Variants in MCPH1 observed in about 807,000 individuals in gnomAD.
MCPH1 encodes the protein microcephalin.
In MCPH1, 104 loss-of-function variants were observed where a neutral mutation model predicts 84.5. The observed-to-expected ratio is 1.23, with a 90% CI of 1.05 to 1.45. The LOEUF is 1.45. Ranked by LOEUF, MCPH1 falls within the 40% of genes most tolerant of loss-of-function variation. MCPH1 has a pLI of 0.00. For synonymous variants in MCPH1, 514 were observed against 366.8 expected, an observed-to-expected ratio of 1.40 and a Z score of -4.58; for missense variants, 1,498 against 1,005.7, an observed-to-expected ratio of 1.49 and a Z score of -6.62.
intron 12 of MCPH1, among the ~76,000 whole-genome samples, chr8:6,561,586 T>A (rs1825548879): frequency 1.3e-5 from 2 of 152,324 alleles, no homozygotes; most frequent in African/African-American, 4.8e-5. Context: ...CTCACCAACT[T>A]TTAAAAGACT....
intron 13 of MCPH1, among the ~76,000 whole-genome samples, chr8:6,637,767 T>G (rs1258654510): frequency 6.6e-6 from 1 of 152,152 alleles, no homozygotes; most frequent in Non-Finnish European, 1.5e-5. Context: ...TGCTGACACA[T>G]GTTTTTTTAA....
chr8:6,574,390 T>A (rs1826897278), intron 12 of MCPH1, among the ~76,000 whole-genome samples: 1 of 151,796 alleles, frequency 6.6e-6, no homozygotes, highest in Non-Finnish European at 1.5e-5. Context: ...CACATTGGAT[T>A]AAGAGCCCAC....
rs1554476394 is a variant in MCPH1, at chr8:6,609,822, C to CCCCCCCCG, written c.2215-11625_2215-11624insGCCCCCCC. On this transcript the variant is annotated intron_variant, in intron 12 of 13. Coordinates refer to ENST00000344683, the MANE Select transcript of MCPH1 (RefSeq NM_024596.5). ...CATTATCAAAGCAATGCCCCCCGCC[C>CCCCCCCCG]CCCCCCCACACACAGACTGCCAGGT... is the stretch of plus-strand genomic sequence containing the variant. Among the ~76,000 whole-genome samples the CCCCCCCCG allele has an allele frequency of 2.6e-5, 2 of 75,536 alleles. 1 individual carries two copies. The highest frequency in any genetic ancestry group is 9.5e-5 in the Non-Finnish European group (2 of 21,162). 49.6% of individuals were successfully genotyped at this position (75,536 alleles called of 152,430 possible).
At chr8:6,578,040 G>T (rs548383626) in intron 12 of MCPH1, among the ~76,000 whole-genome samples, 1 of 152,182 alleles carries the variant, frequency 6.6e-6, no homozygotes, top group Non-Finnish European at 1.5e-5. Context: ...TGCTATGTTT[G>T]GGGAGAGCCT....
At chr8:6,433,237 ATTTGAG>A (rs1253810511) in intron 4 of MCPH1, among the ~76,000 whole-genome samples, 2 of 152,164 alleles carry the variant, frequency 1.3e-5, no homozygotes, top group African/African-American at 4.8e-5. Context: ...TAAGCCACAT[ATTTGAG>A]TTTATTTCTC....
chr8:6,552,278 G>T (rs1823780263), intron 12 of MCPH1, among the ~76,000 whole-genome samples: 1 of 152,200 alleles, frequency 6.6e-6, no homozygotes, highest in South Asian at 2.1e-4. Flanking sequence ...CTGAAGGGAT[G>T]AAATTACATA....
intron 6 of MCPH1, among the ~76,000 whole-genome samples, chr8:6,441,725 A>G (rs929360823): frequency 6.6e-6 from 1 of 152,190 alleles, no homozygotes; most frequent in Non-Finnish European, 1.5e-5. Context: ...CTCACTGGCG[A>G]TATCCAAAAA....
chr8:6,523,870 A>G (rs936105799), intron 12 of MCPH1, among the ~76,000 whole-genome samples: 3 of 149,144 alleles, frequency 2.0e-5, no homozygotes, highest in Non-Finnish European at 3.0e-5. Flanking sequence ...TACAGGCATG[A>G]GCCACCGTGC....
intron 11 of MCPH1, among the ~76,000 whole-genome samples, chr8:6,488,488 C>CA (rs1563277185): frequency 6.6e-6 from 1 of 152,120 alleles, no homozygotes; most frequent in Non-Finnish European, 1.5e-5. Flanking sequence ...GAGATGCAAC[C>CA]ACAGGCTTGA....
intron 12 of MCPH1, among the ~76,000 whole-genome samples, chr8:6,510,762 G>C (rs1308285221): frequency 6.6e-6 from 1 of 152,218 alleles, no homozygotes; most frequent in Non-Finnish European, 1.5e-5. Context: ...GTTGTGAAAA[G>C]ATGAGGGTAG....
chr8:6,487,585 C>A (rs1045799412), intron 11 of MCPH1, among the ~76,000 whole-genome samples: 2 of 152,188 alleles, frequency 1.3e-5, no homozygotes, highest in Non-Finnish European at 2.9e-5. Flanking sequence ...CTTCATAACT[C>A]ATGTTAGGAA....
At chr8:6,497,334 A>C (rs1011302023) in intron 11 of MCPH1, among the ~76,000 whole-genome samples, 1 of 151,946 alleles carries the variant, frequency 6.6e-6, no homozygotes, top group Admixed American at 6.6e-5. Flanking sequence ...AAAAACAAAA[A>C]AAAAGAAAAA....
Position 6,446,758 on chromosome 8 carries a change from T to A in MCPH1, c.1825+1211T>A, listed in dbSNP as rs115125713. On this transcript the variant is annotated intron_variant, in intron 8 of 13. Coordinates refer to ENST00000344683, the MANE Select transcript of MCPH1 (RefSeq NM_024596.5). ...TTTAAGCTTTTGAATAATAATGACA[T>A]GGAAATGTAAATTAAGTAGGAAAAA... The A allele has an allele frequency of 2.9e-3, 2,893 of 985,348 alleles. 59 individuals carry two copies. In the African/African-American group the frequency reaches 0.045, roughly 15 times the overall value. The allele number at this position is 985,348 out of a possible 1,614,324, so 61.0% of individuals were successfully genotyped here. A position where few individuals can be genotyped will look rare whatever the true frequency, so the allele number is the denominator to read the frequency against.
chr8:6,557,853 C>T (rs1414791373), intron 12 of MCPH1, among the ~76,000 whole-genome samples: 2 of 152,240 alleles, frequency 1.3e-5, no homozygotes, highest in Non-Finnish European at 2.9e-5. Flanking sequence ...TCCTCTAGAT[C>T]TCAACTCAGG....
chr8:6,577,619 T>G (rs866619507), intron 12 of MCPH1, among the ~76,000 whole-genome samples: 1 of 152,272 alleles, frequency 6.6e-6, no homozygotes, highest in African/African-American at 2.4e-5. Flanking sequence ...TGCATGAAGC[T>G]AAATCTTTGT....
At chr8:6,631,130 A>ACCCAGTT (rs938471825) in intron 13 of MCPH1, among the ~76,000 whole-genome samples, 1 of 152,210 alleles carries the variant, frequency 6.6e-6, no homozygotes, top group African/African-American at 2.4e-5. Context: ...CATGGTGGCA[A>ACCCAGTT]CCCAGTTCCC....
At chr8:6,611,160 C>A (rs901390606) in intron 12 of MCPH1, among the ~76,000 whole-genome samples, 2 of 149,468 alleles carry the variant, frequency 1.3e-5, no homozygotes, top group African/African-American at 5.0e-5. Flanking sequence ...TCAGAAAACA[C>A]TTCTGACACC....
chr8:6,507,438 T>G (rs918214943), intron 12 of MCPH1: 11 of 152,216 alleles, frequency 7.2e-5, no homozygotes, highest in African/African-American at 2.7e-4. Context: ...CTACTTTAAA[T>G]CTTTCAGTGT....
At chr8:6,471,630 C>G (rs1807727124) in intron 9 of MCPH1, among the ~76,000 whole-genome samples, 1 of 152,146 alleles carries the variant, frequency 6.6e-6, no homozygotes, top group Non-Finnish European at 1.5e-5. Context: ...TCATCTGGGC[C>G]TAGTCATTAA....
Sources: allele counts gnomAD v4.1 joint callset (sites outside exome capture counted in the v4.1 genomes callset), GRCh38; gene constraint gnomAD v4.1.1; transcripts MANE v1.5; gene names NCBI Gene and HGNC (gene_info 2026-07-23, HGNC 2026-07-21).